NT5DC1: variants seen among roughly 807,000 people sequenced by gnomAD.
The protein encoded by NT5DC1 is 5'-nucleotidase domain containing 1, also known as 5'-nucleotidase domain-containing protein 1.
A neutral mutation model predicts 59.4 loss-of-function variants in NT5DC1; 42 were observed. That is an observed-to-expected ratio of 0.71 (90% CI 0.55 to 0.92). The LOEUF (loss-of-function observed/expected upper bound fraction) is 0.92, where lower values mean the gene tolerates loss of function less well. Among genes scored for constraint, NT5DC1 ranks in the 40% least tolerant of loss-of-function variants. The pLI, the probability that NT5DC1 is intolerant of heterozygous loss-of-function variation, is 0.00. For missense variants in NT5DC1, 501 were observed against 537.1 expected, an observed-to-expected ratio of 0.93 and a Z score of 0.66; for synonymous variants, 172 against 188.1, an observed-to-expected ratio of 0.91 and a Z score of 0.70.
intron 8 of NT5DC1, among the ~76,000 whole-genome samples, chr6:116,228,292 T>C (rs1357148588): frequency 7.9e-5 from 12 of 152,360 alleles, no homozygotes. Context: ...ACGAATCACC[T>C]GAGGTCAGGA....
intron 6 of NT5DC1, chr6:116,121,399 A>G: frequency 1.2e-6 from 2 of 1,613,806 alleles, no homozygotes; most frequent in Non-Finnish European, 1.7e-6. Flanking sequence ...TTTCTCCCGG[A>G]AAACCTCTAT....
At chr6:116,199,207 T>TAGACAAAC (rs1351547701) in intron 6 of NT5DC1, among the ~76,000 whole-genome samples, 1 of 152,118 alleles carries the variant, frequency 6.6e-6, no homozygotes, top group Non-Finnish European at 1.5e-5. Flanking sequence ...TTCTTCTAGA[T>TAGACAAAC]AGACAAGAGA....
chr6:116,134,424 C>T (rs891484355), intron 6 of NT5DC1, among the ~76,000 whole-genome samples: 4 of 152,126 alleles, frequency 2.6e-5, no homozygotes, highest in Admixed American at 6.6e-5. Flanking sequence ...CTTTCCTGAA[C>T]GTAATTCAAG....
chr6:116,222,775 A>G (rs1781832722), intron 7 of NT5DC1, among the ~76,000 whole-genome samples: 1 of 152,188 alleles, frequency 6.6e-6, no homozygotes, highest in African/African-American at 2.4e-5. Flanking sequence ...CTTGGTACCT[A>G]GAGTCTATGT....
chr6:116,178,601 T>C (rs2114468924), intron 6 of NT5DC1, among the ~76,000 whole-genome samples: 1 of 152,366 alleles, frequency 6.6e-6, no homozygotes, highest in African/African-American at 2.4e-5. Flanking sequence ...TTCCCACCTT[T>C]TACTCTGAAG....
At chr6:116,151,925 T>G (rs1214059856) in intron 6 of NT5DC1, among the ~76,000 whole-genome samples, 3 of 152,236 alleles carry the variant, frequency 2.0e-5, no homozygotes, top group African/African-American at 7.2e-5. Context: ...TTCTGAAGTT[T>G]TATAAGAACA....
At chr6:116,112,052 C>G (rs774853389) in intron 4 of NT5DC1, among the ~76,000 whole-genome samples, 2 of 152,208 alleles carry the variant, frequency 1.3e-5, no homozygotes, top group African/African-American at 2.4e-5. Flanking sequence ...AAGTACCCAG[C>G]TGCTAAAAGA....
intron 6 of NT5DC1, among the ~76,000 whole-genome samples, chr6:116,140,817 T>C (rs891531368): frequency 8.5e-5 from 13 of 152,184 alleles, no homozygotes; most frequent in Non-Finnish European, 1.6e-4. Flanking sequence ...TGTGGGGCTG[T>C]TTATTCATTT....
chr6:116,129,064 A>T (rs1252783313), intron 6 of NT5DC1, among the ~76,000 whole-genome samples: 1 of 152,146 alleles, frequency 6.6e-6, no homozygotes, highest in Non-Finnish European at 1.5e-5. Flanking sequence ...AGTAAATCCC[A>T]TATATTGTAC....
chr6:116,147,547 A>C (rs1035932862), intron 6 of NT5DC1, among the ~76,000 whole-genome samples: 3 of 152,226 alleles, frequency 2.0e-5, no homozygotes, highest in Non-Finnish European at 2.9e-5. Context: ...TAAAAAGTTC[A>C]TTTTAAAAAG....
intron 6 of NT5DC1, chr6:116,121,404 C>T: frequency 6.2e-7 from 1 of 1,614,128 alleles, no homozygotes. Flanking sequence ...CCCGGAAAAC[C>T]TCTATCACCT....
chr6:116,162,189 G>C (rs1384300460), intron 6 of NT5DC1, among the ~76,000 whole-genome samples: 1 of 152,014 alleles, frequency 6.6e-6, no homozygotes, highest in Non-Finnish European at 1.5e-5. Flanking sequence ...GAATCATTTG[G>C]GTTTTTTAAA....
At position 116,213,181 on chromosome 6, in the gene NT5DC1, G is replaced by A. The variant is rs546541910; in HGVS notation, c.530-7873G>A. ...TGGGCTTAGTTGGGTGCTTCTAAACGTGGGGGTCTCTCCTGTGGTTGCAGT... is the reference window on the plus strand; with the variant it reads ...TGGGCTTAGTTGGGTGCTTCTAAACATGGGGGTCTCTCCTGTGGTTGCAGT... On this transcript the variant is annotated intron_variant, in intron 6 of 11. Coordinates refer to ENST00000319550, the MANE Select transcript of NT5DC1 (RefSeq NM_152729.3). Among the ~76,000 whole-genome samples the A allele has an allele frequency of 2.5e-4, 38 of 152,170 alleles. 1 individual carries two copies. In the South Asian group the frequency reaches 7.5e-3, roughly 30 times the overall value.
intron 6 of NT5DC1, among the ~76,000 whole-genome samples, chr6:116,203,826 GAGTTCC>G (rs1781392888): frequency 6.6e-6 from 1 of 151,954 alleles, no homozygotes; most frequent in Non-Finnish European, 1.5e-5. Context: ...TGCACAGTGT[GAGTTCC>G]AGATACCTTA....
In NT5DC1 at chr6:116,149,554, A is replaced by G. The variant is rs1415533896; in HGVS notation, c.529+31609A>G. Among the ~76,000 whole-genome samples the G allele has an allele frequency of 2.0e-5, 3 of 152,236 alleles. No individual in the cohort carries two copies. In the East Asian group the frequency reaches 5.8e-4, roughly 29 times the overall value. ...GAATGGTATTTGAATAGTGAAGTAC[A>G]TAATGCTTTTAACAAAGGTGAACCA... On this transcript the variant is annotated intron_variant, in intron 6 of 11. Coordinates refer to ENST00000319550, the MANE Select transcript of NT5DC1 (RefSeq NM_152729.3).
chr6:116,219,655 A>G (rs559418183), intron 6 of NT5DC1, among the ~76,000 whole-genome samples: 9 of 152,126 alleles, frequency 5.9e-5, no homozygotes, highest in Admixed American at 1.3e-4. Flanking sequence ...TTTTTGTTTC[A>G]CTTAAAGACT....
At chr6:116,226,651 T>C (rs1781915582) in intron 8 of NT5DC1, among the ~76,000 whole-genome samples, 1 of 152,094 alleles carries the variant, frequency 6.6e-6, no homozygotes, top group Admixed American at 6.5e-5. Context: ...CTATATATTT[T>C]TAAATATTAT....
At chr6:116,141,885 A>AACACACACACACACACACACACAC (rs3051942) in intron 6 of NT5DC1, among the ~76,000 whole-genome samples, 99 of 140,396 alleles carry the variant, frequency 7.1e-4, no homozygotes, top group Middle Eastern at 3.7e-3. Context: ...CCAAAAAGAA[A>AACACACACACACACACACACACAC]ACACACACAC....
At chr6:116,204,839 T>C (rs1781418128) in intron 6 of NT5DC1, among the ~76,000 whole-genome samples, 1 of 152,010 alleles carries the variant, frequency 6.6e-6, no homozygotes. Flanking sequence ...GTGTAGTAGG[T>C]GCTCAGTAAT....
Sources: allele counts gnomAD v4.1 joint callset (sites outside exome capture counted in the v4.1 genomes callset), GRCh38; gene constraint gnomAD v4.1.1; transcripts MANE v1.5; gene names NCBI Gene and HGNC (gene_info 2026-07-23, HGNC 2026-07-21).